The following PDGFRL variants were observed in gnomAD, a reference collection of about 807,000 sequenced individuals.
PDGFRL encodes the protein platelet-derived growth factor receptor-like protein.
In PDGFRL, 46 loss-of-function variants were observed where a neutral mutation model predicts 37.2. The observed-to-expected ratio is 1.24, with a 90% confidence interval of 0.98 to 1.58. The LOEUF (loss-of-function observed/expected upper bound fraction) is 1.58, where lower values mean the gene tolerates loss of function less well. Ranked by LOEUF, PDGFRL falls within the 40% of genes most tolerant of loss-of-function variation. The pLI is 0.00. For missense variants in PDGFRL, 692 were observed against 467.6 expected, an observed-to-expected ratio of 1.48 and a Z score of -4.43; for synonymous variants, 251 against 184.3, an observed-to-expected ratio of 1.36 and a Z score of -2.93.
chr8:17,621,165 C>A lies in PDGFRL; in HGVS notation c.468C>A (p.Asp156Glu). The stretch of plus-strand genomic sequence containing the variant: ...GCAGCGGCTACATCTGCAGGAAGGA[C>A]GAGGCCAAAACGGGCTCCACCTACA... Reference protein sequence around the residue: ...QLCSGYICRKDEAKTGSTYIF... With the variant: ...QLCSGYICRKEEAKTGSTYIF... The change falls in exon 3 of 6, where the codon GAC (aspartate) becomes GAA (glutamate). Residue 156 changes from aspartate to glutamate, a missense_variant. Physicochemically the swap from Asp to Glu is conservative, Grantham distance 45. Transcript: ENST00000251630. The A allele has an allele frequency of 6.2e-7, 1 of 1,610,522 alleles. No homozygotes were observed. The highest frequency in any genetic ancestry group is 1.1e-5 in the South Asian group (1 of 90,666).
intron 1 of PDGFRL, among the ~76,000 whole-genome samples, 188 bp from the exon 2 acceptor site, chr8:17,589,280 G>C (rs1374961482): frequency 2.0e-5 from 3 of 152,012 alleles, no homozygotes; most frequent in Non-Finnish European, 1.5e-5. Flanking sequence ...CAGCTACTCA[G>C]GGTGCTCAGG....
chr8:17,602,819 A>T (rs971932588), intron 2 of PDGFRL, among the ~76,000 whole-genome samples: 1 of 152,178 alleles, frequency 6.6e-6, no homozygotes, highest in Non-Finnish European at 1.5e-5. Context: ...CTGGCTTCCT[A>T]TCACCAGTAA....
chr8:17,620,873 T>TA (rs1563523243), intron 2 of PDGFRL, among the ~76,000 whole-genome samples, 178 bp from the exon 3 acceptor site: 1 of 104,066 alleles, frequency 9.6e-6, no homozygotes, highest in Non-Finnish European at 2.1e-5. Context: ...TTTTTTTTTT[T>TA]TTATTATACT....
In PDGFRL at chr8:17,596,312, C is replaced by T. The variant is rs554635298; in HGVS notation, c.353+6547C>T. ...GCCAGATCGGCTGCCAGGCTGCTCA[C>T]AGGCACATGGGCTGCACGTAACTCC... is the stretch of plus-strand genomic sequence containing the variant. On this transcript the variant is annotated intron_variant, in intron 2 of 5. Coordinates refer to ENST00000251630, the MANE Select transcript of PDGFRL (RefSeq NM_001372073.1). The T allele has an allele frequency of 6.5e-6, 8 of 1,223,740 alleles. No homozygotes were observed. In the East Asian group the frequency reaches 2.4e-4, roughly 36 times the overall value. The allele number at this position is 1,223,740 out of a possible 1,614,324, so 75.8% of individuals were successfully genotyped here. A position where few individuals can be genotyped will look rare whatever the true frequency, so the allele number is the denominator to read the frequency against.
intron 2 of PDGFRL, among the ~76,000 whole-genome samples, chr8:17,592,162 A>G (rs1803954100): frequency 1.3e-5 from 2 of 152,150 alleles, no homozygotes; most frequent in Admixed American, 1.3e-4. Context: ...AACATTTCAA[A>G]ATTCTGAGTT....
At chr8:17,633,476 C>T (rs1427570033) in intron 4 of PDGFRL, among the ~76,000 whole-genome samples, 4 of 152,234 alleles carry the variant, frequency 2.6e-5, no homozygotes, top group South Asian at 2.1e-4. Context: ...TGCAGTGAGC[C>T]GAGATCGCGC....
chr8:17,626,165 C>G (rs908846294), intron 3 of PDGFRL, among the ~76,000 whole-genome samples: 2 of 152,230 alleles, frequency 1.3e-5, no homozygotes, highest in East Asian at 3.8e-4. Context: ...AAGAAAACAT[C>G]TTCAATATTA....
chr8:17,634,343 GC>G (rs1248529012), intron 5 of PDGFRL, 130 bp downstream of exon 5: 26 of 679,496 alleles, frequency 3.8e-5, no homozygotes, highest in Non-Finnish European at 6.3e-5. Context: ...AACATGTGGG[GC>G]TATGTTGGGG....
chr8:17,599,915 A>G (rs967900636), intron 2 of PDGFRL, among the ~76,000 whole-genome samples: 6 of 152,034 alleles, frequency 3.9e-5, no homozygotes. Context: ...TTTCCCAGGA[A>G]CTTCAATACA....
chr8:17,596,399 A>G, intron 2 of PDGFRL: 1 of 890,866 alleles, frequency 1.1e-6, no homozygotes, highest in Non-Finnish European at 1.5e-6. Context: ...TACATTTTAA[A>G]CGACCTTATT....
intron 1 of PDGFRL, among the ~76,000 whole-genome samples, chr8:17,582,356 G>A (rs946837494): frequency 1.3e-5 from 2 of 152,112 alleles, no homozygotes; most frequent in Non-Finnish European, 2.9e-5. Context: ...TTGGGAGGCA[G>A]GCGGATCATG....
upstream of PDGFRL, chr8:17,577,161 C>A (rs1394361969): frequency 3.2e-6 from 5 of 1,542,082 alleles, no homozygotes; most frequent in African/African-American, 6.8e-5. Flanking sequence ...GCTTCGGCGT[C>A]CCAGGAGCCC....
chr8:17,605,301 C>A (rs1397826186), intron 2 of PDGFRL, among the ~76,000 whole-genome samples: 2 of 152,184 alleles, frequency 1.3e-5, no homozygotes, highest in Non-Finnish European at 2.9e-5. Context: ...ATGCCCCATA[C>A]CCATTTCACT....
At chr8:17,641,334 A>C (rs1157722703) in intron 5 of PDGFRL, among the ~76,000 whole-genome samples, 3 of 152,206 alleles carry the variant, frequency 2.0e-5, no homozygotes, top group African/African-American at 7.2e-5. Context: ...AAATTGTTAC[A>C]AAGTTCAGCT....
intron 5 of PDGFRL, among the ~76,000 whole-genome samples, chr8:17,640,664 A>C (rs7001275): frequency 1.3e-5 from 2 of 151,856 alleles, no homozygotes; most frequent in East Asian, 1.9e-4. Context: ...CAGCTGCTCT[A>C]ATGGAGGTGG....
At position 17,642,633 on chromosome 8, in the gene PDGFRL, C is replaced by G. The variant is rs1197620333; in HGVS notation, c.960C>G (p.Ile320Met). 1.2e-6 allele frequency: 2 copies of G among 1,609,566 alleles called. No individual in the cohort carries two copies. The highest frequency in any genetic ancestry group is 1.7e-6 in the Non-Finnish European group (2 of 1,175,972). Residue 320 changes from isoleucine to methionine, a missense_variant, in exon 6 of 6, where the codon ATC (isoleucine) becomes ATG (methionine). Ile to Met is a conservative substitution (Grantham distance 10). Transcript: ENST00000251630. ...AACAGGATGAAAGGCCTGTGACGAT[C>G]CAAGACACTTGGAGGTTGATCCACA... ...PGQKDERPVT[I>M]QDTWRLIHRG... is the part of the protein sequence containing the mutation.
intron 1 of PDGFRL, among the ~76,000 whole-genome samples, chr8:17,584,228 T>C (rs1190250143): frequency 6.6e-6 from 1 of 152,170 alleles, no homozygotes; most frequent in Non-Finnish European, 1.5e-5. Context: ...AATTGTCATT[T>C]GCTGATAAAG....
intron 1 of PDGFRL, 142 bp from the exon 2 acceptor site, chr8:17,589,326 C>T (rs1247940890): frequency 5.9e-6 from 4 of 674,904 alleles, no homozygotes; most frequent in Non-Finnish European, 1.0e-5. Context: ...GTGGAGGTTG[C>T]AGTGAGCTGA....
intron 1 of PDGFRL, among the ~76,000 whole-genome samples, chr8:17,581,281 G>C (rs1377690604): frequency 6.6e-6 from 1 of 152,106 alleles, no homozygotes; most frequent in African/African-American, 2.4e-5. Flanking sequence ...CACCACAAAG[G>C]CAATAGCTTC....
Sources: allele counts gnomAD v4.1 joint callset (sites outside exome capture counted in the v4.1 genomes callset), GRCh38; gene constraint gnomAD v4.1.1; transcripts MANE v1.5; gene names NCBI Gene and HGNC (gene_info 2026-07-23, HGNC 2026-07-21).